Variants in ANKH observed in about 807,000 individuals in gnomAD.
ANKH encodes the protein mineralization regulator ANKH.
A neutral mutation model predicts 49.0 loss-of-function variants in ANKH; 15 were observed. The ratio of observed to expected loss-of-function variants is 0.31; its 90% confidence interval spans 0.20 to 0.47. The LOEUF (loss-of-function observed/expected upper bound fraction) is 0.47. Ranked by LOEUF, ANKH falls within the 20% of genes least tolerant of loss-of-function variation. The pLI is 1.00. For missense variants in ANKH, 429 were observed against 652.0 expected, an observed-to-expected ratio of 0.66 and a Z score of 3.72; for synonymous variants, 273 against 260.0, an observed-to-expected ratio of 1.05 and a Z score of -0.48.
At chr5:14,861,223 A>G (rs984093846) in intron 1 of ANKH, among the ~76,000 whole-genome samples, 1 of 152,174 alleles carries the variant, frequency 6.6e-6, no homozygotes, top group Admixed American at 6.6e-5. Flanking sequence ...CAAGACTCCA[A>G]GCACATAATA....
chr5:14,755,299 C>G (rs930485347), intron 4 of ANKH, among the ~76,000 whole-genome samples: 1 of 152,214 alleles, frequency 6.6e-6, no homozygotes, highest in Non-Finnish European at 1.5e-5. Flanking sequence ...TTGGACCCAA[C>G]AGAAAGTGGG....
At chr5:14,775,920 G>GT (rs1434962182) in intron 1 of ANKH, among the ~76,000 whole-genome samples, 1 of 152,208 alleles carries the variant, frequency 6.6e-6, no homozygotes, top group Non-Finnish European at 1.5e-5. Flanking sequence ...GAGGCCAAGG[G>GT]CCCTGTGGTA....
At chr5:14,749,969 C>A (rs894138005) in intron 5 of ANKH, among the ~76,000 whole-genome samples, 3 of 152,238 alleles carry the variant, frequency 2.0e-5, no homozygotes, top group African/African-American at 7.2e-5. Flanking sequence ...AGAGTTACAT[C>A]ATGGAACCAT....
At chr5:14,778,241 C>T (rs1181913767) in intron 1 of ANKH, among the ~76,000 whole-genome samples, 1 of 152,222 alleles carries the variant, frequency 6.6e-6, no homozygotes, top group Non-Finnish European at 1.5e-5. Context: ...TCTCTGCTCT[C>T]CTGTAAACTC....
At chr5:14,845,042 A>C (rs1330221684) in intron 1 of ANKH, among the ~76,000 whole-genome samples, 2 of 152,024 alleles carry the variant, frequency 1.3e-5, no homozygotes, top group Non-Finnish European at 2.9e-5. Context: ...AAAAAAAAAA[A>C]AGGCCCTTTT....
Position 14,716,725 on chromosome 5 carries a change from G to A in ANKH, c.1122C>T (p.Phe374=), listed in dbSNP as rs760677948. ...CTTTACCTGGAACTGGGAAGAAGGA[G>A]AAGATCCGCAAAGGAACAACACAGA... ...AELCVVPLRI[F]SFFPVPVTVR... is the part of the protein sequence containing the mutation. Residue 374 remains phenylalanine, a synonymous_variant, in exon 9 of 12, where the codon TTC becomes TTT. Transcript: ENST00000284268. The A allele has an allele frequency of 7.4e-6, 12 of 1,614,106 alleles. No homozygotes were observed. In the Admixed American group the frequency reaches 2.0e-4, roughly 27 times the overall value.
At position 14,721,728 on chromosome 5, in the gene ANKH, A is replaced by ACCATC. The variant is rs763042661; in HGVS notation, c.1012-4894_1012-4893insGATGG. 2.0e-5 allele frequency among the ~76,000 whole-genome samples: 3 copies of ACCATC among 152,094 alleles called. No homozygotes were observed. The East Asian group carries it at 5.8e-4, about 29-fold the overall frequency. ...GGAGGATCACAAGGTCAGGAGATCGAGACCATCCTGGCTAACACGGTGAAA... is the reference window on the plus strand; with the variant it reads ...GGAGGATCACAAGGTCAGGAGATCGACCATCGACCATCCTGGCTAACACGGTGAAA... On this transcript the variant is annotated intron_variant, in intron 8 of 11. Transcript: ENST00000284268.
At position 14,871,588 on chromosome 5, in the gene ANKH, G is replaced by A. The variant is rs1180007528; in HGVS notation, c.-141C>T. The A allele has an allele frequency of 7.5e-6, 2 of 267,686 alleles. No homozygotes were observed. The highest frequency in any genetic ancestry group is 1.2e-5 in the Non-Finnish European group (2 of 167,512). The allele number at this position is 267,686 out of a possible 1,614,324, so 16.6% of individuals were successfully genotyped here. On this transcript the variant is annotated 5_prime_UTR_variant, in exon 1 of 12. Coordinates refer to ENST00000284268, the MANE Select transcript of ANKH (RefSeq NM_054027.6). ...GCGGCGGGGCCTCGGGCGCGGCGGC[G>A]GCGGCTCCTCCTCGCGGCTGCGGCG...
chr5:14,770,763 G>A lies in ANKH; in HGVS notation c.97-1572C>T, dbSNP rs1739406305. On this transcript the variant is annotated intron_variant, in intron 1 of 11. Transcript: ENST00000284268. This position sits in a 1 kb window ranked among gnomAD's most constrained non-coding sequence, Gnocchi z 4.1. ...CCATGGATAGTAAAACTGTGGATAG[G>A]GGTGACTAGTGTAATGTAGTTTACA... 6.6e-6 allele frequency among the ~76,000 whole-genome samples: 1 copy of A among 152,132 alleles called. No individual in the cohort carries two copies. Among genetic ancestry groups the A allele is most frequent in the Admixed American group, 6.5e-5 (1 of 15,268 alleles).
chr5:14,778,883 G>GC (rs1739718957), intron 1 of ANKH, among the ~76,000 whole-genome samples: 1 of 152,152 alleles, frequency 6.6e-6, no homozygotes, highest in African/African-American at 2.4e-5. Context: ...TGCTGCCACT[G>GC]CACAATCATG....
At chr5:14,818,578 G>C (rs1393243571) in intron 1 of ANKH, among the ~76,000 whole-genome samples, 1 of 149,162 alleles carries the variant, frequency 6.7e-6, no homozygotes, top group Non-Finnish European at 1.5e-5. Context: ...GGGAGGTGGA[G>C]GTTGCAAGTG....
At chr5:14,771,944 A>AC (rs869297307) in intron 1 of ANKH, among the ~76,000 whole-genome samples, 19,971 of 143,754 alleles carry the variant, frequency 0.14, 2,046 homozygotes, top group Middle Eastern at 0.25. Context: ...AAAAAAAAAA[A>AC]AAACCAAAAC....
chr5:14,761,417 A>AGCAG (rs1348690609), intron 2 of ANKH, among the ~76,000 whole-genome samples: 1 of 152,192 alleles, frequency 6.6e-6, no homozygotes, highest in Non-Finnish European at 1.5e-5. Flanking sequence ...AGCAGCTGAG[A>AGCAG]GCAGGGCATG....
chr5:14,854,883 C>T (rs571391071), intron 1 of ANKH, among the ~76,000 whole-genome samples: 55 of 152,224 alleles, frequency 3.6e-4, no homozygotes, highest in African/African-American at 1.3e-3. Flanking sequence ...GTCTCTGTGC[C>T]TTTGGTCTCA....
At chr5:14,724,122 A>G (rs936134830) in intron 8 of ANKH, among the ~76,000 whole-genome samples, 4 of 152,204 alleles carry the variant, frequency 2.6e-5, no homozygotes, top group Admixed American at 2.0e-4. Context: ...GTTCGAGACC[A>G]GCCTAACCAA....
At chr5:14,755,765 G>T (rs1738864791) in intron 4 of ANKH, 96 bp downstream of exon 4, 2 of 1,154,448 alleles carry the variant, frequency 1.7e-6, no homozygotes, top group South Asian at 1.2e-5. Flanking sequence ...CGAATGCAGA[G>T]TGTACTGCAC....
intron 1 of ANKH, 151 bp downstream of exon 1, chr5:14,871,201 C>T: frequency 2.8e-6 from 2 of 713,068 alleles, no homozygotes; most frequent in Non-Finnish European, 5.0e-6. Context: ...GAATGGGGTG[C>T]TGGAAAAGTC....
At chr5:14,734,188 C>A (rs1013647314) in intron 8 of ANKH, among the ~76,000 whole-genome samples, 3 of 152,190 alleles carry the variant, frequency 2.0e-5, no homozygotes, top group Non-Finnish European at 4.4e-5. Flanking sequence ...TTTCTGATTA[C>A]CTGCTCCACC....
chr5:14,752,675 T>C (rs1364609713), intron 4 of ANKH, among the ~76,000 whole-genome samples: 1 of 152,034 alleles, frequency 6.6e-6, no homozygotes, highest in Non-Finnish European at 1.5e-5. Flanking sequence ...AGCTGAAACA[T>C]GTAAAAACCA....
Sources: gnomAD v4.1 joint callset for allele counts (sites outside exome capture counted in the v4.1 genomes callset) on GRCh38, gnomAD v4.1.1 for gene constraint, Gnocchi (gnomAD v3.1) non-coding constraint, MANE v1.5 for transcripts, NCBI Gene and HGNC (gene_info 2026-07-23, HGNC 2026-07-21) for gene names.